NAV1: variants seen among roughly 807,000 people sequenced by gnomAD.
NAV1 encodes the protein pore membrane and/or filament interacting like protein 3.
Under a neutral mutation model 175.2 loss-of-function variants are expected in NAV1, and 18 were observed. That is an observed-to-expected ratio of 0.10 (90% CI 0.07 to 0.15). The LOEUF (loss-of-function observed/expected upper bound fraction) is 0.15, where lower values mean the gene tolerates loss of function less well. NAV1 is among the 10% of genes least tolerant of loss of function. The pLI, the probability that NAV1 is intolerant of heterozygous loss-of-function variation, is 1.00. For missense variants in NAV1, 1,731 were observed against 2,436.6 expected (o/e 0.71, Z 6.10); for synonymous variants, 897 against 978.7 (o/e 0.92, Z 1.56).
chr1:201,620,343 CTGAG>C (rs1454723192), upstream of NAV1, among the ~76,000 whole-genome samples: 1 of 151,928 alleles, frequency 6.6e-6, no homozygotes, highest in Admixed American at 6.6e-5. Context: ...GAGAATCAAA[CTGAG>C]TATTTTCATT....
At chr1:201,674,394 G>C (rs542245585) in intron 1 of NAV1, among the ~76,000 whole-genome samples, 7 of 152,152 alleles carry the variant, frequency 4.6e-5, no homozygotes, top group South Asian at 4.2e-4. Context: ...TGTGTGTTGG[G>C]GGGGGTTGTC....
rs188513558 is a variant in NAV1 at position 201,783,389 on chromosome 1, G to T, written c.2358-17G>T. 10 of 1,608,480 alleles carry T rather than the reference G, an allele frequency of 6.2e-6. No homozygotes were observed. In the East Asian group the frequency reaches 1.3e-4, roughly 22 times the overall value. ...GTAATTCTATTATTCTAAATATTTC[G>T]TTTGATCTTCTCTCAGGGCCACAGC... On this transcript the variant is annotated splice_polypyrimidine_tract_variant and intron_variant, in intron 6 of 29. Transcript: ENST00000367296.
At position 201,567,350 on chromosome 1, in the gene NAV1, T is replaced by C. The variant is rs561389917; in HGVS notation, c.-143-21189T>C. ...GGCATTGGCTGGGCCAGAGGGGCCT[T>C]GTCCTGTCAAGTTACCGGGGTTGGA... On this transcript the variant is annotated intron_variant, in intron 1 of 33. Transcript: ENST00000685211. Among the ~76,000 whole-genome samples, 195 of 152,330 alleles carry C rather than the reference T, an allele frequency of 1.3e-3. 2 individuals carry two copies. Among genetic ancestry groups the C allele is most frequent in the African/African-American group, 4.6e-3 (191 of 41,570 alleles).
At chr1:201,651,575 G>C (rs1241267102) in intron 1 of NAV1, among the ~76,000 whole-genome samples, 1 of 152,182 alleles carries the variant, frequency 6.6e-6, no homozygotes, top group African/African-American at 2.4e-5. Context: ...GAAATGCAGA[G>C]TCAAAAGCAT....
At chr1:201,662,779 G>A (rs1395947182) in intron 1 of NAV1, among the ~76,000 whole-genome samples, 1 of 152,200 alleles carries the variant, frequency 6.6e-6, no homozygotes, top group African/African-American at 2.4e-5. Context: ...AGAACCTAGA[G>A]GCGACTAGTG....
At chr1:201,645,751 AAGG>A (rs1275499441), upstream of NAV1, among the ~76,000 whole-genome samples, 1 of 152,094 alleles carries the variant, frequency 6.6e-6, no homozygotes, top group Non-Finnish European at 1.5e-5. Context: ...TTTGTCTGCT[AAGG>A]AGAAGATGAA....
At chr1:201,762,905 A>C (rs937998015) in intron 3 of NAV1, among the ~76,000 whole-genome samples, 7 of 152,164 alleles carry the variant, frequency 4.6e-5, no homozygotes, top group Admixed American at 4.6e-4. Context: ...GAATTATCTC[A>C]TGAAATTTAA....
chr1:201,759,047 A>G (rs1196979857), intron 3 of NAV1, among the ~76,000 whole-genome samples: 4 of 152,218 alleles, frequency 2.6e-5, no homozygotes, highest in East Asian at 1.9e-4. Context: ...GTGCCCAGCA[A>G]AGTGCTTGGC....
chr1:201,662,511 T>C (rs905721746), intron 1 of NAV1, among the ~76,000 whole-genome samples: 1 of 152,236 alleles, frequency 6.6e-6, no homozygotes, highest in African/African-American at 2.4e-5. Context: ...GCACCAGCTT[T>C]GGAGTCATGC....
intron 15 of NAV1, among the ~76,000 whole-genome samples, chr1:201,800,242 C>T (rs1225416391): frequency 6.6e-6 from 1 of 152,212 alleles, no homozygotes. Flanking sequence ...CTCAAGCAAT[C>T]CACCCACCTG....
At chr1:201,550,161 T>A (rs1665812799) in intron 1 of NAV1, among the ~76,000 whole-genome samples, 1 of 151,864 alleles carries the variant, frequency 6.6e-6, no homozygotes, top group East Asian at 1.9e-4. Flanking sequence ...TTAAAAAAAA[T>A]TATAATTTCA....
chr1:201,648,196 GGGCT>G (rs564215880), upstream of NAV1: 4 of 985,144 alleles, frequency 4.1e-6, no homozygotes, highest in Non-Finnish European at 3.6e-6. Flanking sequence ...GCCTCGACTC[GGGCT>G]GGCTGGCTGG....
In NAV1 at chr1:201,787,864, G is replaced by A; in HGVS notation, c.2996-604G>A. 2.8e-6 allele frequency: 1 copy of A among 362,752 alleles called. No individual in the cohort carries two copies. The allele number at this position is 362,752 out of a possible 1,614,324, so 22.5% of individuals were successfully genotyped here. ...ACACTTTCACCTGCTCTGTCCATCT[G>A]ACCTTCAAGCCGGGGCAATGCTAGG... On this transcript the variant is annotated intron_variant, in intron 9 of 29. Coordinates refer to ENST00000367296, the Ensembl canonical transcript of NAV1. This position sits in a 1 kb window ranked among gnomAD's most constrained non-coding sequence, Gnocchi z 4.3.
At chr1:201,756,824 CTTTCTT>C (rs1429335753) in intron 3 of NAV1, among the ~76,000 whole-genome samples, 7 of 40,104 alleles carry the variant, frequency 1.7e-4, no homozygotes, top group Non-Finnish European at 5.0e-4. Context: ...TTCTTTCTTT[CTTTCTT>C]TCTTTCTTTC....
intron 1 of NAV1, among the ~76,000 whole-genome samples, chr1:201,667,153 G>GGGCCGC (rs1669855380): frequency 1.3e-5 from 2 of 152,202 alleles, no homozygotes; most frequent in Non-Finnish European, 2.9e-5. Context: ...TTTTGCAGAT[G>GGGCCGC]AGGAAACTGA....
chr1:201,758,745 A>G (rs953863972), intron 3 of NAV1, among the ~76,000 whole-genome samples: 1 of 152,210 alleles, frequency 6.6e-6, no homozygotes, highest in East Asian at 1.9e-4. Context: ...TATGGTCCCC[A>G]AGTGATCTGA....
intron 3 of NAV1, among the ~76,000 whole-genome samples, chr1:201,731,973 C>G (rs987289707): frequency 2.0e-5 from 3 of 152,198 alleles, no homozygotes; most frequent in Non-Finnish European, 4.4e-5. Flanking sequence ...TCCCTGTTTT[C>G]TGGATTTAGC....
At chr1:201,771,633 T>C (rs952726245) in intron 3 of NAV1, among the ~76,000 whole-genome samples, 3 of 152,002 alleles carry the variant, frequency 2.0e-5, no homozygotes, top group Middle Eastern at 3.2e-3. Flanking sequence ...CTTTTCTGGA[T>C]ATACCTATTG....
At chr1:201,737,479 G>GCTA (rs1673165074) in intron 3 of NAV1, 1 of 152,232 alleles carries the variant, frequency 6.6e-6, no homozygotes, top group African/African-American at 2.4e-5. Context: ...CCTGAGCTGA[G>GCTA]CTACTGGCTG....
Sources: gnomAD v4.1 joint callset for allele counts (sites outside exome capture counted in the v4.1 genomes callset) on GRCh38, gnomAD v4.1.1 for gene constraint, Gnocchi (gnomAD v3.1) non-coding constraint, MANE v1.5 for transcripts, NCBI Gene and HGNC (gene_info 2026-07-23, HGNC 2026-07-21) for gene names.